The following FGGY variants were observed in gnomAD, a reference collection of about 807,000 sequenced individuals.
FGGY encodes the protein FGGY carbohydrate kinase domain-containing protein.
Under a neutral mutation model 71.3 loss-of-function variants are expected in FGGY, and 72 were observed. The observed-to-expected ratio is 1.01, with a 90% CI of 0.84 to 1.23. FGGY has a LOEUF of 1.23. FGGY is among the 50% of genes most tolerant of loss of function. FGGY has a pLI of 0.00. For missense variants in FGGY, 668 were observed against 682.3 expected (o/e 0.98, Z 0.23); for synonymous variants, 251 against 250.3 (o/e 1.00, Z -0.02).
Position 59,407,548 on chromosome 1 carries a change from C to T in FGGY, c.554+28711C>T, listed in dbSNP as rs74087461. On this transcript the variant is annotated intron_variant, in intron 5 of 15. Transcript: ENST00000303721. ...CCCTTGAACCTGACTAGCTCATCCA[C>T]GGGGAGAGAGAAAAAAAAATATTCT... 2.7e-3 allele frequency among the ~76,000 whole-genome samples: 418 copies of T among 152,030 alleles called. 1 individual carries two copies. The highest frequency in any genetic ancestry group is 9.6e-3 in the African/African-American group (396 of 41,440).
intron 11 of FGGY, chr1:59,641,269 G>C: frequency 6.2e-7 from 1 of 1,605,606 alleles, no homozygotes; most frequent in Non-Finnish European, 8.5e-7. Flanking sequence ...AAATTTTCTC[G>C]GATTTCTCAG....
chr1:59,384,100 G>A (rs1482737126), intron 5 of FGGY, among the ~76,000 whole-genome samples: 1 of 152,168 alleles, frequency 6.6e-6, no homozygotes, highest in African/African-American at 2.4e-5. Flanking sequence ...CTCAAACCTT[G>A]AGGAAGCAGA....
intron 4 of FGGY, among the ~76,000 whole-genome samples, chr1:59,360,123 C>CATTATTATTATT (rs1317144695): frequency 5.9e-5 from 6 of 101,878 alleles, no homozygotes; most frequent in South Asian, 3.4e-4. Context: ...ATTTTTCTAT[C>CATTATTATTATT]ATTGTTATTA....
chr1:59,525,932 C>T (rs1033779142), intron 7 of FGGY, among the ~76,000 whole-genome samples: 1 of 152,094 alleles, frequency 6.6e-6, no homozygotes, highest in Non-Finnish European at 1.5e-5. Flanking sequence ...ATGTGTATTA[C>T]ATGTGTATAT....
chr1:59,439,234 C>T (rs1368878351), intron 5 of FGGY, among the ~76,000 whole-genome samples: 2 of 152,134 alleles, frequency 1.3e-5, no homozygotes, highest in African/African-American at 2.4e-5. Flanking sequence ...ACCTCATAGC[C>T]GCTCAATAGA....
chr1:59,418,133 C>A (rs961292748), intron 5 of FGGY, among the ~76,000 whole-genome samples: 1 of 152,026 alleles, frequency 6.6e-6, no homozygotes, highest in Non-Finnish European at 1.5e-5. Flanking sequence ...GTTATGCAGA[C>A]TCAGTGTATA....
chr1:59,647,636 A>G (rs929781504), intron 11 of FGGY, among the ~76,000 whole-genome samples: 9 of 151,904 alleles, frequency 5.9e-5, no homozygotes, highest in African/African-American at 2.2e-4. Context: ...AGTCCCATGC[A>G]GTTGTAGGGC....
intron 10 of FGGY, among the ~76,000 whole-genome samples, chr1:59,636,780 T>G (rs2096964615): frequency 6.6e-6 from 1 of 152,206 alleles, no homozygotes; most frequent in Non-Finnish European, 1.5e-5. Flanking sequence ...ATGGGATCAC[T>G]CACCCAATCA....
intron 14 of FGGY, among the ~76,000 whole-genome samples, chr1:59,724,438 T>C (rs1308414125): frequency 6.6e-6 from 1 of 151,620 alleles, no homozygotes; most frequent in Non-Finnish European, 1.5e-5. Context: ...GAGCAGAGAT[T>C]GCACTGCTGC....
chr1:59,720,504 C>T (rs1023419402), intron 14 of FGGY, among the ~76,000 whole-genome samples: 2 of 152,162 alleles, frequency 1.3e-5, no homozygotes, highest in Non-Finnish European at 1.5e-5. Context: ...CTAAAGATTT[C>T]AGGCATATGT....
intron 7 of FGGY, among the ~76,000 whole-genome samples, chr1:59,539,579 TCTC>T (rs2153684509): frequency 6.6e-6 from 1 of 152,256 alleles, no homozygotes; most frequent in East Asian, 1.9e-4. Context: ...TTTTGGCCCT[TCTC>T]CTTATACTAT....
intron 14 of FGGY, among the ~76,000 whole-genome samples, chr1:59,702,693 C>T (rs948504259): frequency 6.6e-6 from 1 of 152,180 alleles, no homozygotes; most frequent in Non-Finnish European, 1.5e-5. Flanking sequence ...CATTGAGCAA[C>T]TAGCCATCTT....
intron 5 of FGGY, among the ~76,000 whole-genome samples, chr1:59,449,761 G>A (rs945906688): frequency 6.6e-6 from 1 of 151,990 alleles, no homozygotes; most frequent in African/African-American, 2.4e-5. Context: ...CCAGCAGATG[G>A]AGACCAGCCT....
At chr1:59,469,480 G>T (rs112732772) in intron 6 of FGGY, among the ~76,000 whole-genome samples, 2,810 of 152,200 alleles carry the variant, frequency 0.018, 99 homozygotes, top group African/African-American at 0.065. Context: ...CATTCATGAG[G>T]GCAGAGCCCT....
At chr1:59,707,720 C>G (rs1213755373) in intron 14 of FGGY, among the ~76,000 whole-genome samples, 1 of 152,088 alleles carries the variant, frequency 6.6e-6, no homozygotes, top group African/African-American at 2.4e-5. Flanking sequence ...TAGTCACAGC[C>G]CATTCAAATG....
intron 14 of FGGY, among the ~76,000 whole-genome samples, chr1:59,687,703 C>T (rs1024538834): frequency 2.0e-5 from 3 of 151,510 alleles, no homozygotes; most frequent in African/African-American, 7.3e-5. Flanking sequence ...CTCCTGACCT[C>T]GTGATCCACC....
intron 6 of FGGY, among the ~76,000 whole-genome samples, chr1:59,490,856 G>A (rs539601596): frequency 6.6e-6 from 1 of 152,064 alleles, no homozygotes; most frequent in African/African-American, 2.4e-5. Context: ...TAAAGTCTGT[G>A]TTCTCTGTTC....
intron 2 of FGGY, among the ~76,000 whole-genome samples, chr1:59,322,679 A>C (rs142807544): frequency 1.3e-5 from 2 of 152,192 alleles, no homozygotes; most frequent in African/African-American, 4.8e-5. Flanking sequence ...TATGCCAGGC[A>C]TATGTTCACC....
chr1:59,754,480 G>A (rs2098273801), intron 14 of FGGY, among the ~76,000 whole-genome samples: 1 of 152,074 alleles, frequency 6.6e-6, no homozygotes, highest in African/African-American at 2.4e-5. Context: ...CTGGAGTGCA[G>A]TGGTGCAATC....
Sources: allele counts gnomAD v4.1 joint callset (sites outside exome capture counted in the v4.1 genomes callset), GRCh38; gene constraint gnomAD v4.1.1; transcripts MANE v1.5; gene names NCBI Gene and HGNC (gene_info 2026-07-23, HGNC 2026-07-21).